PRRC1: variants seen among roughly 807,000 people sequenced by gnomAD.
PRRC1 encodes the protein protein PRRC1.
A neutral mutation model predicts 40.7 loss-of-function variants in PRRC1; 39 were observed. That is an observed-to-expected ratio of 0.96 (90% CI 0.74 to 1.25). The LOEUF (loss-of-function observed/expected upper bound fraction) is 1.25, where lower values mean the gene tolerates loss of function less well. Among genes scored for constraint, PRRC1 ranks in the 50% most tolerant of loss-of-function variants. PRRC1 has a pLI of 0.00. For missense variants in PRRC1, 573 were observed against 548.3 expected (o/e 1.05, Z -0.45); for synonymous variants, 175 against 193.3 (o/e 0.91, Z 0.79).
At chr5:127,532,842 A>C (rs1180701224) in intron 5 of PRRC1, among the ~76,000 whole-genome samples, 3 of 152,218 alleles carry the variant, frequency 2.0e-5, no homozygotes, top group Non-Finnish European at 4.4e-5. Flanking sequence ...TTTGCCGGTG[A>C]TAACTATTAA....
At chr5:127,543,924 G>A (rs1424975098) in intron 7 of PRRC1, among the ~76,000 whole-genome samples, 4 of 152,074 alleles carry the variant, frequency 2.6e-5, no homozygotes, top group East Asian at 1.9e-4. Flanking sequence ...GAGGAACTGC[G>A]TTCCTTTGGA....
In PRRC1 at chr5:127,538,008, G is replaced by A. The variant is rs17164833; in HGVS notation, c.922-1032G>A. On this transcript the variant is annotated intron_variant, in intron 6 of 8. Coordinates refer to ENST00000296666, the MANE Select transcript of PRRC1 (RefSeq NM_130809.5). Reference sequence around the variant, plus strand: ...CTTTGTTCAGTTTTTTATGTGGTAAGTTCTTATTGAACACCTATTAAGTTA... The same window carrying A: ...CTTTGTTCAGTTTTTTATGTGGTAAATTCTTATTGAACACCTATTAAGTTA... Among the ~76,000 whole-genome samples, 1,433 of 151,980 alleles carry A rather than the reference G, an allele frequency of 9.4e-3. 22 individuals are homozygous for A. The highest frequency in any genetic ancestry group is 0.033 in the African/African-American group (1,363 of 41,520).
At chr5:127,520,781 TAC>T (rs757082844) in intron 1 of PRRC1, among the ~76,000 whole-genome samples, 1 of 152,096 alleles carries the variant, frequency 6.6e-6, no homozygotes, top group Non-Finnish European at 1.5e-5. Context: ...ACTATGCACA[TAC>T]ACACACACAG....
chr5:127,553,139 A>G lies in PRRC1; in HGVS notation c.*1223A>G, dbSNP rs1323212648. ...TGTAATTTAATTTTTTTACTCTTCT[A>G]TACAGTTCTTTAGATGTAAAAGAAT... On this transcript the variant is annotated 3_prime_UTR_variant, in exon 9 of 9. Coordinates refer to ENST00000296666, the MANE Select transcript of PRRC1 (RefSeq NM_130809.5). 8.3e-6 allele frequency: 8 copies of G among 965,102 alleles called. No homozygotes were observed. The highest frequency in any genetic ancestry group is 9.9e-6 in the Non-Finnish European group (8 of 811,844). The allele number at this position is 965,102 out of a possible 1,614,324, so 59.8% of individuals were successfully genotyped here. A position where few individuals can be genotyped will look rare whatever the true frequency, so the allele number is the denominator to read the frequency against.
At chr5:127,519,761 A>G (rs1767411033) in intron 1 of PRRC1, among the ~76,000 whole-genome samples, 1 of 152,340 alleles carries the variant, frequency 6.6e-6, no homozygotes, top group Admixed American at 6.5e-5. Flanking sequence ...ACCCACATTT[A>G]TGTGGTTGCT....
chr5:127,544,135 C>G (rs988050009), intron 7 of PRRC1, among the ~76,000 whole-genome samples: 5 of 152,224 alleles, frequency 3.3e-5, no homozygotes, highest in Non-Finnish European at 7.3e-5. Context: ...TGCTAGAGGT[C>G]CACTCCAGAC....
intron 2 of PRRC1, chr5:127,523,857 T>C (rs569159682): frequency 1.4e-5 from 4 of 284,612 alleles, no homozygotes; most frequent in African/African-American, 2.2e-5. Context: ...CTAAAAAGCA[T>C]GTGTTAGCTT....
chr5:127,545,121 A>C (rs1191615981), intron 7 of PRRC1, among the ~76,000 whole-genome samples: 1 of 152,130 alleles, frequency 6.6e-6, no homozygotes, highest in East Asian at 1.9e-4. Flanking sequence ...GGCAATCATT[A>C]AAAAGTCAGG....
rs1047257609 is a variant in PRRC1, at chr5:127,551,707, G to T, written c.1129G>T (p.Ala377Ser). 6.2e-7 allele frequency: 1 copy of T among 1,613,662 alleles called. No individual in the cohort carries two copies. The highest frequency in any genetic ancestry group is 8.5e-7 in the Non-Finnish European group (1 of 1,179,830). The change falls in exon 9 of 9, where the codon GCT (alanine) becomes TCT (serine). Residue 377 changes from alanine to serine, a missense_variant and splice_region_variant. Coordinates refer to ENST00000296666, the MANE Select transcript of PRRC1 (RefSeq NM_130809.5). Reference protein sequence around the residue: ...TPVPLEFVQQAQSLTPQDYNL... With the variant: ...TPVPLEFVQQSQSLTPQDYNL... ...TAATATCAATTTCATCTTTCCACAG[G>T]CTCAAAGTCTAACTCCCCAGGACTA...
rs755143952 is a variant in PRRC1, at chr5:127,524,569, A to C, written c.142A>C (p.Met48Leu). The C allele has an allele frequency of 6.2e-7, 1 of 1,613,830 alleles. No individual in the cohort carries two copies. The highest frequency in any genetic ancestry group is 1.1e-5 in the South Asian group (1 of 91,056). ...TTTTTCTTCTCCAAATGTATCCTCCATGGAGTCCTTCCCACCACTCGCATA... is the reference window on the plus strand; with the variant it reads ...TTTTTCTTCTCCAAATGTATCCTCCCTGGAGTCCTTCCCACCACTCGCATA... ...SSFSSPNVSS[M>L]ESFPPLAYST... The change falls in exon 3 of 9, where the codon ATG (methionine) becomes CTG (leucine). Residue 48 changes from methionine to leucine, a missense_variant. Coordinates refer to ENST00000296666, the MANE Select transcript of PRRC1 (RefSeq NM_130809.5).
intron 4 of PRRC1, among the ~76,000 whole-genome samples, chr5:127,527,643 C>G (rs1341058354): frequency 6.6e-6 from 1 of 151,398 alleles, no homozygotes. Context: ...GCCTGTGGTC[C>G]CATGTACTCA....
chr5:127,538,182 T>C (rs1329534514), intron 6 of PRRC1, among the ~76,000 whole-genome samples: 1 of 152,056 alleles, frequency 6.6e-6, no homozygotes, highest in Non-Finnish European at 1.5e-5. Context: ...TTTCTCTTTT[T>C]CACTTCAGTT....
At chr5:127,549,912 G>C (rs1652802300) in intron 8 of PRRC1, 1 of 152,060 alleles carries the variant, frequency 6.6e-6, no homozygotes, top group Non-Finnish European at 1.5e-5. Context: ...CATTGCAAAG[G>C]ACAATTTTTA....
intron 6 of PRRC1, among the ~76,000 whole-genome samples, chr5:127,535,747 A>G (rs1197680062): frequency 1.3e-5 from 2 of 152,126 alleles, no homozygotes; most frequent in African/African-American, 4.8e-5. Context: ...CATTCATTTG[A>G]TGTGTGTAAA....
intron 8 of PRRC1, chr5:127,548,612 C>T (rs75367898): frequency 6.6e-6 from 1 of 151,896 alleles, no homozygotes; most frequent in African/African-American, 2.4e-5. Context: ...GTAGTTTGTA[C>T]ATTGTTAAAT....
chr5:127,525,392 A>C (rs886437724), intron 3 of PRRC1, among the ~76,000 whole-genome samples: 4 of 152,334 alleles, frequency 2.6e-5, no homozygotes, highest in African/African-American at 9.6e-5. Flanking sequence ...CAGTTTATGA[A>C]TATGTATACC....
chr5:127,543,586 T>C (rs1561686865), intron 7 of PRRC1, among the ~76,000 whole-genome samples: 1 of 152,112 alleles, frequency 6.6e-6, no homozygotes, highest in Non-Finnish European at 1.5e-5. Context: ...TTATTCTTTT[T>C]TCTCTAAACT....
intron 5 of PRRC1, 131 bp downstream of exon 5, chr5:127,530,527 ATTAAT>A: frequency 2.1e-6 from 1 of 487,294 alleles, no homozygotes; most frequent in Non-Finnish European, 3.5e-6. Context: ...ATATTCTTGC[ATTAAT>A]TTAATTGTCA....
intron 7 of PRRC1, among the ~76,000 whole-genome samples, chr5:127,546,989 T>G (rs1170292418): frequency 6.6e-6 from 1 of 152,182 alleles, no homozygotes; most frequent in East Asian, 1.9e-4. Context: ...ACTGTATATT[T>G]TACTTTGTTG....
Sources: gnomAD v4.1 joint callset for allele counts (sites outside exome capture counted in the v4.1 genomes callset) on GRCh38, gnomAD v4.1.1 for gene constraint, MANE v1.5 for transcripts, NCBI Gene and HGNC (gene_info 2026-07-23, HGNC 2026-07-21) for gene names.